ITPR2: variants seen among roughly 807,000 people sequenced by gnomAD.
ITPR2 encodes the protein inositol 1,4,5-trisphosphate-gated calcium channel ITPR2.
Under a neutral mutation model 317.1 loss-of-function variants are expected in ITPR2, and 207 were observed. That is an observed-to-expected ratio of 0.65 (90% CI 0.58 to 0.73). ITPR2 has a LOEUF of 0.73. ITPR2 is among the 30% of genes least tolerant of loss of function. The pLI, the probability that ITPR2 is intolerant of heterozygous loss-of-function variation, is 0.00. For synonymous variants in ITPR2, 1,156 were observed against 1,149.1 expected, an observed-to-expected ratio of 1.01 and a Z score of -0.12; for missense variants, 2,613 against 3,284.0, an observed-to-expected ratio of 0.80 and a Z score of 4.99.
chr12:26,417,121 T>A (rs1940743130), intron 50 of ITPR2, among the ~76,000 whole-genome samples: 1 of 149,670 alleles, frequency 6.7e-6, no homozygotes, highest in South Asian at 2.1e-4. Flanking sequence ...TCAAATATTT[T>A]TTCAAATATA....
At chr12:26,495,375 TAA>T in intron 37 of ITPR2, 115 bp from the exon 38 acceptor site, 1 of 535,032 alleles carries the variant, frequency 1.9e-6, no homozygotes, top group Non-Finnish European at 3.2e-6. Context: ...ATGGAAAAAT[TAA>T]CTTTCTATCA....
At chr12:26,348,055 G>A (rs1039845689) in intron 55 of ITPR2, among the ~76,000 whole-genome samples, 2 of 152,162 alleles carry the variant, frequency 1.3e-5, no homozygotes, top group Non-Finnish European at 2.9e-5. Context: ...TGAGCTTTAT[G>A]TTTATACTGC....
intron 46 of ITPR2, 68 bp from the exon 47 acceptor site, chr12:26,439,387 T>A: frequency 8.8e-7 from 1 of 1,138,840 alleles, no homozygotes; most frequent in Non-Finnish European, 1.2e-6. Context: ...CTTTTGTTTT[T>A]AACATGAGTT....
At position 26,622,317 on chromosome 12, in the gene ITPR2, GC is replaced by G; in HGVS notation, c.3210del (p.Pro1071LeufsTer36). 6.2e-7 allele frequency: 1 copy of G among 1,614,036 alleles called. No homozygotes were observed. Among genetic ancestry groups the G allele is most frequent in the Non-Finnish European group, 8.5e-7 (1 of 1,179,936 alleles). On this transcript the variant is annotated frameshift_variant, in exon 25 of 57. Coordinates refer to ENST00000381340, the MANE Select transcript of ITPR2 (RefSeq NM_002223.4). LOFTEE classifies it high-confidence loss of function. ...AGCTGCAGGGCTCCAGACAGCAAAGGCGGGTAGTCGTGCATGATCAGATGAA... is the reference window on the plus strand; with the variant it reads ...AGCTGCAGGGCTCCAGACAGCAAAGGGGGTAGTCGTGCATGATCAGATGAA... Reference protein sequence around the residue: ...VLIHLIMHDYPPLLSGALQLL... With the variant: ...VLIHLIMHDYXPLLSGALQLL...
intron 2 of ITPR2, among the ~76,000 whole-genome samples, chr12:26,761,776 G>A (rs907626112): frequency 5.3e-5 from 8 of 152,154 alleles, no homozygotes; most frequent in South Asian, 2.1e-4. Flanking sequence ...CAGCCTGGGC[G>A]ACAGAGCGAG....
intron 26 of ITPR2, among the ~76,000 whole-genome samples, chr12:26,608,510 AC>A (rs1458893613): frequency 8.8e-6 from 1 of 114,076 alleles, no homozygotes; most frequent in Admixed American, 8.3e-5. Flanking sequence ...GAAGTGAGGA[AC>A]CCCTCTGCTT....
chr12:26,451,250 C>G (rs1288809921), intron 45 of ITPR2, among the ~76,000 whole-genome samples: 1 of 151,996 alleles, frequency 6.6e-6, no homozygotes, highest in African/African-American at 2.4e-5. Context: ...GGGGAAGAGA[C>G]AACACAGACT....
intron 2 of ITPR2, among the ~76,000 whole-genome samples, chr12:26,783,464 A>G (rs1950131559): frequency 6.6e-6 from 1 of 152,174 alleles, no homozygotes; most frequent in Non-Finnish European, 1.5e-5. Flanking sequence ...ATGGTAAGAG[A>G]AGGACATAAA....
chr12:26,637,014 G>C (rs1172492137), intron 21 of ITPR2, among the ~76,000 whole-genome samples: 2 of 152,158 alleles, frequency 1.3e-5, no homozygotes, highest in Admixed American at 1.3e-4. Context: ...AATTAAAACT[G>C]TGTACTGAAA....
chr12:26,777,286 C>G (rs1712946207), intron 2 of ITPR2, among the ~76,000 whole-genome samples: 1 of 151,872 alleles, frequency 6.6e-6, no homozygotes, highest in Admixed American at 6.5e-5. Flanking sequence ...CTCATCCCAG[C>G]TGGGAGGGTC....
chr12:26,439,446 A>C, intron 46 of ITPR2, 127 bp from the exon 47 acceptor site: 1 of 608,328 alleles, frequency 1.6e-6, no homozygotes, highest in Non-Finnish European at 2.8e-6. Flanking sequence ...TGCCAACTTG[A>C]AGTATCTGAA....
At chr12:26,442,441 A>G (rs936395937) in intron 46 of ITPR2, among the ~76,000 whole-genome samples, 3 of 152,080 alleles carry the variant, frequency 2.0e-5, no homozygotes, top group African/African-American at 7.2e-5. Context: ...GGAATCAATA[A>G]AACAACATCA....
At chr12:26,637,961 C>A (rs7972648) in intron 21 of ITPR2, among the ~76,000 whole-genome samples, 126,695 of 152,146 alleles carry the variant, frequency 0.83, 53,035 homozygotes, top group East Asian at 0.97. Flanking sequence ...CAGATTCCAA[C>A]TTTACAAGGG....
intron 1 of ITPR2, among the ~76,000 whole-genome samples, chr12:26,812,383 C>G (rs1245137484): frequency 2.6e-5 from 4 of 151,972 alleles, no homozygotes; most frequent in African/African-American, 7.3e-5. Flanking sequence ...TCGAGACCAT[C>G]CTGGCTAACA....
chr12:26,789,405 G>A (rs563914686), intron 2 of ITPR2, among the ~76,000 whole-genome samples: 7 of 152,196 alleles, frequency 4.6e-5, no homozygotes, highest in South Asian at 2.1e-4. Flanking sequence ...GAATCCCTCC[G>A]TCTCTCTCCA....
chr12:26,772,223 A>G (rs1317591980), intron 2 of ITPR2, among the ~76,000 whole-genome samples: 1 of 151,536 alleles, frequency 6.6e-6, no homozygotes, highest in Non-Finnish European at 1.5e-5. Context: ...ATTGGGCCCA[A>G]CAAGTCTACA....
intron 9 of ITPR2, among the ~76,000 whole-genome samples, chr12:26,706,927 C>T (rs1030486961): frequency 2.0e-5 from 3 of 152,162 alleles, no homozygotes; most frequent in African/African-American, 2.4e-5. Context: ...ATCTCTGATG[C>T]GCCTTCTTAG....
intron 37 of ITPR2, among the ~76,000 whole-genome samples, chr12:26,539,014 G>A (rs1944183029): frequency 6.6e-6 from 1 of 152,170 alleles, no homozygotes; most frequent in Admixed American, 6.5e-5. Flanking sequence ...CTTGCAAACA[G>A]CTTCTCTAGA....
intron 32 of ITPR2, among the ~76,000 whole-genome samples, chr12:26,591,333 G>A (rs1945697552): frequency 6.6e-6 from 1 of 152,088 alleles, no homozygotes; most frequent in East Asian, 1.9e-4. Flanking sequence ...ATATGAAAAG[G>A]TGTTCAACAT....
Sources: allele counts gnomAD v4.1 joint callset (sites outside exome capture counted in the v4.1 genomes callset), GRCh38; gene constraint gnomAD v4.1.1; transcripts MANE v1.5; gene names NCBI Gene and HGNC (gene_info 2026-07-23, HGNC 2026-07-21).